The following CHST11 variants were observed in gnomAD, a reference collection of about 807,000 sequenced individuals.
CHST11 encodes the protein C4S-1.
A neutral mutation model predicts 30.4 loss-of-function variants in CHST11; 9 were observed. That is an observed-to-expected ratio of 0.30 (90% CI 0.18 to 0.52). The LOEUF (loss-of-function observed/expected upper bound fraction) is 0.52, where lower values mean the gene tolerates loss of function less well. Ranked by LOEUF, CHST11 falls within the 20% of genes least tolerant of loss-of-function variation. The pLI, the probability that CHST11 is intolerant of heterozygous loss-of-function variation, is 0.97. For synonymous variants in CHST11, 152 were observed against 187.8 expected (o/e 0.81, Z 1.56); for missense variants, 348 against 460.6 (o/e 0.76, Z 2.24).
At chr12:104,579,975 G>A (rs1422025793) in intron 1 of CHST11, among the ~76,000 whole-genome samples, 1 of 152,196 alleles carries the variant, frequency 6.6e-6, no homozygotes, top group Non-Finnish European at 1.5e-5. Flanking sequence ...CAGAATCATT[G>A]CTTATAATTG....
At chr12:104,735,796 T>G (rs1020289157) in intron 2 of CHST11, among the ~76,000 whole-genome samples, 1 of 152,148 alleles carries the variant, frequency 6.6e-6, no homozygotes, top group Non-Finnish European at 1.5e-5. Context: ...ATCTGCGCTT[T>G]CCATGGAAGG....
Position 104,692,539 on chromosome 12 carries a change from C to T in CHST11, c.205-64410C>T, listed in dbSNP as rs141315285. On this transcript the variant is annotated intron_variant, in intron 2 of 2. Transcript: ENST00000303694. ...GAGGTTAAATAACTTACTGTATTAGCCTGCTCTGACAGGCATAATGAAACA... is the reference window on the plus strand; with the variant it reads ...GAGGTTAAATAACTTACTGTATTAGTCTGCTCTGACAGGCATAATGAAACA... Among the ~76,000 whole-genome samples the T allele has an allele frequency of 3.0e-4, 45 of 152,316 alleles. No individual in the cohort carries two copies. In the East Asian group the frequency reaches 8.1e-3, roughly 27 times the overall value.
At chr12:104,627,241 C>A (rs938095521) in intron 2 of CHST11, among the ~76,000 whole-genome samples, 1 of 152,164 alleles carries the variant, frequency 6.6e-6, no homozygotes, top group Non-Finnish European at 1.5e-5. Flanking sequence ...CAGTCACCTA[C>A]TGCAGGACAT....
At chr12:104,746,008 T>C (rs1420209748) in intron 2 of CHST11, among the ~76,000 whole-genome samples, 2 of 152,212 alleles carry the variant, frequency 1.3e-5, no homozygotes. Context: ...GTCATCCTTG[T>C]CTTGTGCTGG....
intron 1 of CHST11, among the ~76,000 whole-genome samples, chr12:104,512,384 G>A (rs147327862): frequency 9.1e-4 from 139 of 152,194 alleles, no homozygotes; most frequent in African/African-American, 3.1e-3. Context: ...ATTTATTATC[G>A]AGTGCCTGTG....
chr12:104,678,270 C>T (rs2039761866), intron 2 of CHST11, among the ~76,000 whole-genome samples: 1 of 152,178 alleles, frequency 6.6e-6, no homozygotes, highest in Non-Finnish European at 1.5e-5. Flanking sequence ...TATCCTTCCC[C>T]AACATTTCCA....
At chr12:104,552,038 A>G (rs181529937) in intron 1 of CHST11, 1 of 152,300 alleles carries the variant, frequency 6.6e-6, no homozygotes, top group Non-Finnish European at 1.5e-5. Flanking sequence ...AGTTTCTGAA[A>G]CTTTCTTGTA....
intron 2 of CHST11, among the ~76,000 whole-genome samples, chr12:104,649,086 T>C (rs547393861): frequency 6.6e-5 from 10 of 151,350 alleles, no homozygotes; most frequent in Non-Finnish European, 1.5e-4. Flanking sequence ...CCGGCTGATG[T>C]AGGATGGGAA....
At chr12:104,732,274 C>G (rs1011651714) in intron 2 of CHST11, among the ~76,000 whole-genome samples, 1 of 152,142 alleles carries the variant, frequency 6.6e-6, no homozygotes, top group African/African-American at 2.4e-5. Context: ...AAGCCAGACC[C>G]CAGCAAGGCT....
chr12:104,665,792 C>T, intron 2 of CHST11, among the ~76,000 whole-genome samples: 2 of 137,300 alleles, frequency 1.5e-5, no homozygotes, highest in Middle Eastern at 3.8e-3. Context: ...CTTTCCCTTT[C>T]TCTTTCTCTC....
chr12:104,560,974 GT>G (rs1211053419), intron 1 of CHST11, among the ~76,000 whole-genome samples: 1 of 152,220 alleles, frequency 6.6e-6, no homozygotes, highest in Non-Finnish European at 1.5e-5. Flanking sequence ...TGGGAGAAGA[GT>G]GCTCAAATTG....
chr12:104,661,487 A>G (rs933499590), intron 2 of CHST11, among the ~76,000 whole-genome samples: 5 of 152,164 alleles, frequency 3.3e-5, no homozygotes, highest in African/African-American at 9.7e-5. Flanking sequence ...AGGTGAGAAG[A>G]TCACTTAGCT....
At chr12:104,525,038 G>A (rs1179356016) in intron 1 of CHST11, among the ~76,000 whole-genome samples, 2 of 150,656 alleles carry the variant, frequency 1.3e-5, no homozygotes, top group African/African-American at 4.9e-5. Flanking sequence ...TGACAATCCA[G>A]AAAAAAGATC....
In CHST11 at chr12:104,657,589, G is replaced by T. The variant is rs1382479209; in HGVS notation, c.204+55598G>T. Among the ~76,000 whole-genome samples the T allele has an allele frequency of 2.0e-5, 3 of 152,150 alleles. No homozygotes were observed. The East Asian group carries it at 5.8e-4, about 29-fold the overall frequency. The stretch of plus-strand genomic sequence containing the variant: ...CATGTTTTTTCTCTGAAGAGCATGG[G>T]AGAAATAATGCATGTTCCATTTCAC... On this transcript the variant is annotated intron_variant, in intron 2 of 2. Coordinates refer to ENST00000303694, the MANE Select transcript of CHST11 (RefSeq NM_018413.6).
At chr12:104,530,107 C>T (rs571790988) in intron 1 of CHST11, among the ~76,000 whole-genome samples, 43 of 152,130 alleles carry the variant, frequency 2.8e-4, no homozygotes, top group African/African-American at 7.5e-4. Flanking sequence ...TGCTGTGAGC[C>T]GAGATTGCGC....
At position 104,590,013 on chromosome 12, in the gene CHST11, T is replaced by TTAAATAAATAAATAAATAAA. The variant is rs111573363; in HGVS notation, c.119-11887_119-11868dup. Among the ~76,000 whole-genome samples the TTAAATAAATAAATAAATAAA allele has an allele frequency of 1.9e-3, 289 of 151,244 alleles. 1 individual carries two copies. Among genetic ancestry groups the TTAAATAAATAAATAAATAAA allele is most frequent in the African/African-American group, 6.8e-3 (279 of 41,096 alleles). On this transcript the variant is annotated intron_variant, in intron 1 of 2. Transcript: ENST00000303694. The stretch of plus-strand genomic sequence containing the variant: ...AACAAAGCGAGACTCTGTCTCAAAA[T>TTAAATAAATAAATAAATAAA]TAAATAAATAAATAAATAAATAAAT...
chr12:104,513,138 T>TGGGG (rs1565969843), intron 1 of CHST11, among the ~76,000 whole-genome samples: 8 of 3,334 alleles, frequency 2.4e-3, no homozygotes, highest in Admixed American at 7.2e-3. Context: ...GGGGGGGGGG[T>TGGGG]TGGGGGTGGG....
intron 2 of CHST11, among the ~76,000 whole-genome samples, chr12:104,688,239 G>A (rs963505705): frequency 2.0e-5 from 3 of 152,170 alleles, no homozygotes; most frequent in African/African-American, 7.2e-5. Context: ...TGCTGTTAGG[G>A]TGGGTACTGA....
chr12:104,578,135 TC>T (rs944286058), intron 1 of CHST11, among the ~76,000 whole-genome samples: 2 of 151,636 alleles, frequency 1.3e-5, no homozygotes, highest in Admixed American at 6.6e-5. Context: ...ATAGACTAAA[TC>T]CCCCCTTATT....
Sources: allele counts gnomAD v4.1 joint callset (sites outside exome capture counted in the v4.1 genomes callset), GRCh38; gene constraint gnomAD v4.1.1; transcripts MANE v1.5; gene names NCBI Gene and HGNC (gene_info 2026-07-23, HGNC 2026-07-21).